PCDHB16: variants seen among roughly 807,000 people sequenced by gnomAD.
PCDHB16 encodes the protein protocadherin beta-16.
For missense variants in PCDHB16, 1,026 were observed against 989.9 expected (o/e 1.04, Z -0.49); for synonymous variants, 444 against 436.5 (o/e 1.02, Z -0.21).
At position 141,184,795 on chromosome 5, in the gene PCDHB16, T is replaced by C; in HGVS notation, c.2236T>C (p.Ser746Pro). Residue 746 changes from serine to proline, a missense_variant, in exon 1 of 1, where the codon TCC becomes CCC. By Grantham distance (74) the Ser-to-Pro change is moderately conservative. Transcript: ENST00000609684. ...LVDVSGTGTLSQSYQYEVCLT... is the reference protein window; with the variant it reads ...LVDVSGTGTLPQSYQYEVCLT... ...GGACGTAAGCGGCACCGGGACCCTG[T>C]CCCAGAGCTACCAATACGAGGTGTG... 1 of 1,614,190 alleles carries C rather than the reference T, an allele frequency of 6.2e-7. No individual in the cohort carries two copies. The highest frequency in any genetic ancestry group is 8.5e-7 in the Non-Finnish European group (1 of 1,180,034).
Position 141,185,247 on chromosome 5 carries a change from C to T in PCDHB16, c.*357C>T. On this transcript the variant is annotated 3_prime_UTR_variant, in exon 1 of 1. Transcript: ENST00000609684. ...ATTTTTCATGTTACTTCTCAGTTTC[C>T]TAGAACTTCAAGTATTAAAATAACC... 2.0e-6 allele frequency: 2 copies of T among 998,896 alleles called. No homozygotes were observed. The highest frequency in any genetic ancestry group is 1.7e-5 in the African/African-American group (1 of 57,144). 61.9% of individuals were successfully genotyped at this position (998,896 alleles called of 1,614,324 possible).
chr5:141,185,740 G>A lies in PCDHB16; in HGVS notation c.*850G>A, dbSNP rs528154640. 4.0e-5 allele frequency: 40 copies of A among 997,022 alleles called. No individual in the cohort carries two copies. The highest frequency in any genetic ancestry group is 1.6e-4 in the African/African-American group (9 of 57,238). The allele number at this position is 997,022 out of a possible 1,614,324, so 61.8% of individuals were successfully genotyped here. The stretch of plus-strand genomic sequence containing the variant: ...ATTTATTTTTTTGAGATGGAGTCTC[G>A]TAAAGTTACCTTTAAAAAAAAAGTT... On this transcript the variant is annotated 3_prime_UTR_variant, in exon 1 of 1. Transcript: ENST00000609684.
chr5:141,186,194 C>A lies in PCDHB16; in HGVS notation c.*1304C>A. On this transcript the variant is annotated 3_prime_UTR_variant, in exon 1 of 1. Coordinates refer to ENST00000609684, the MANE Select transcript of PCDHB16 (RefSeq NM_020957.4). ...TTGAGCTTCTTTCTAGATATTAGGC[C>A]TTTGAATAAAATTCTATGTGAGTCA... is the stretch of plus-strand genomic sequence containing the variant. 4.0e-6 allele frequency: 4 copies of A among 991,148 alleles called. No homozygotes were observed. The highest frequency in any genetic ancestry group is 5.2e-4 in the Middle Eastern group (1 of 1,906). The allele number at this position is 991,148 out of a possible 1,614,324, so 61.4% of individuals were successfully genotyped here. A position where few individuals can be genotyped will look rare whatever the true frequency, so the allele number is the denominator to read the frequency against.
chr5:141,185,704 A>G lies in PCDHB16; in HGVS notation c.*814A>G, dbSNP rs1211459883. 2.0e-6 allele frequency: 2 copies of G among 997,042 alleles called. No individual in the cohort carries two copies. The highest frequency in any genetic ancestry group is 2.4e-6 in the Non-Finnish European group (2 of 827,292). 61.8% of individuals were successfully genotyped at this position (997,042 alleles called of 1,614,324 possible). A position where few individuals can be genotyped will look rare whatever the true frequency, so the allele number is the denominator to read the frequency against. The stretch of plus-strand genomic sequence containing the variant: ...AGGCATAAGCCAATGTGCCCATCCA[A>G]AGTTTTATTTATTTATTTTTTTGAG... On this transcript the variant is annotated 3_prime_UTR_variant, in exon 1 of 1. Coordinates refer to ENST00000609684, the MANE Select transcript of PCDHB16 (RefSeq NM_020957.4).
Position 141,182,513 on chromosome 5 carries a change from CT to C in PCDHB16, c.-46del. ...ACTGCAAAACAGTTCTACTAGGATC[CT>C]GGGGATACATGAAGCTTCTGTGAAC... On this transcript the variant is annotated 5_prime_UTR_variant, in exon 1 of 1. Coordinates refer to ENST00000609684, the MANE Select transcript of PCDHB16 (RefSeq NM_020957.4). The C allele has an allele frequency of 6.7e-7, 1 of 1,483,932 alleles. No individual in the cohort carries two copies. Among genetic ancestry groups the C allele is most frequent in the Non-Finnish European group, 9.0e-7 (1 of 1,108,296 alleles). 91.9% of individuals were successfully genotyped at this position (1,483,932 alleles called of 1,614,324 possible).
In PCDHB16 at chr5:141,183,001, C is replaced by G. The variant is rs1554282067; in HGVS notation, c.442C>G (p.Leu148Val). 1.9e-6 allele frequency: 3 copies of G among 1,614,220 alleles called. No homozygotes were observed. In the Admixed American group the frequency reaches 5.0e-5, roughly 27 times the overall value. The change falls in exon 1 of 1, where the codon CTA (leucine) becomes GTA (valine). Residue 148 changes from leucine to valine, a missense_variant. Transcript: ENST00000609684. ...MILKIPENSP[L>V]GTEFPLNHAL... ...TCTAAAAATACCGGAAAACAGTCCT[C>G]TAGGAACTGAGTTCCCTCTGAATCA...
At position 141,184,397 on chromosome 5, in the gene PCDHB16, G is replaced by A; in HGVS notation, c.1838G>A (p.Gly613Glu). 1 of 1,606,204 alleles carries A rather than the reference G, an allele frequency of 6.2e-7. No homozygotes were observed. Among genetic ancestry groups the A allele is most frequent in the Non-Finnish European group, 8.5e-7 (1 of 1,179,464 alleles). The change falls in exon 1 of 1, where the codon GGG (glycine) becomes GAG (glutamate). Residue 613 changes from glycine to glutamate, a missense_variant. By Grantham distance (98) the Gly-to-Glu change is moderately conservative (BLOSUM62 -2). Transcript: ENST00000609684. ...SYQLLKATEP[G>E]LFGVWAHNGE... ...CAGCTGCTCAAGGCCACGGAGCCCGGGCTGTTCGGTGTGTGGGCGCACAAT... is the reference window on the plus strand; with the variant it reads ...CAGCTGCTCAAGGCCACGGAGCCCGAGCTGTTCGGTGTGTGGGCGCACAAT...
Position 141,183,274 on chromosome 5 carries a change from G to A in PCDHB16, c.715G>A (p.Ala239Thr), listed in dbSNP as rs782369154. 8.1e-5 allele frequency: 130 copies of A among 1,614,006 alleles called. No individual in the cohort carries two copies. Among genetic ancestry groups the A allele is most frequent in the Non-Finnish European group, 1.1e-4 (126 of 1,180,024 alleles). The change falls in exon 1 of 1, where the codon GCT (alanine) becomes ACT (threonine). Residue 239 changes from alanine (A) to threonine (T), a missense_variant. Coordinates refer to ENST00000609684, the MANE Select transcript of PCDHB16 (RefSeq NM_020957.4). ...TGAAGTGGTGGACATCAATGATAAC[G>A]CTCCTGAGTTTGAGCAGCCCATCTA... The part of the protein sequence containing the change: ...RIEVVDINDN[A>T]PEFEQPIYKV...
rs1753614159 is a variant in PCDHB16, at chr5:141,183,298, T to C, written c.739T>C (p.Tyr247His). 6.2e-7 allele frequency: 1 copy of C among 1,614,180 alleles called. No individual in the cohort carries two copies. Among genetic ancestry groups the C allele is most frequent in the African/African-American group, 1.3e-5 (1 of 75,058 alleles). ...CGCTCCTGAGTTTGAGCAGCCCATC[T>C]ACAAAGTGCAGATTCCAGAGAACAG... ...DNAPEFEQPI[Y>H]KVQIPENSPL... Residue 247 changes from tyrosine (Y) to histidine (H), a missense_variant, in exon 1 of 1, where the codon TAC (tyrosine) becomes CAC (histidine). Physicochemically the swap from Tyr to His is moderately conservative, Grantham distance 83. Transcript: ENST00000609684.
chr5:141,182,772 C>G lies in PCDHB16; in HGVS notation c.213C>G (p.Asn71Lys), dbSNP rs781934293. Residue 71 changes from asparagine to lysine, a missense_variant, in exon 1 of 1, where the codon AAC becomes AAG. Physicochemically the swap from Asn to Lys is moderately conservative, Grantham distance 94 (BLOSUM62 0). Transcript: ENST00000609684. ...AGGCCAGGATCATTTCCCAGGGGAA[C>G]AAACAGCATTTGCAGCTCAAGGCTC... ...TRKARIISQGNKQHLQLKAQT... is the reference protein window; with the variant it reads ...TRKARIISQGKKQHLQLKAQT... 5.0e-6 allele frequency: 8 copies of G among 1,613,922 alleles called. No homozygotes were observed. In the East Asian group the frequency reaches 1.8e-4, roughly 36 times the overall value.
chr5:141,182,869 C>A lies in PCDHB16; in HGVS notation c.310C>A (p.Leu104Ile). 1 of 1,614,142 alleles carries A rather than the reference C, an allele frequency of 6.2e-7. No individual in the cohort carries two copies. Among genetic ancestry groups the A allele is most frequent in the Non-Finnish European group, 8.5e-7 (1 of 1,180,034 alleles). Reference sequence around the variant, plus strand: ...ATGCGGTCCCACTGAGCCTTGCATACTACATTTCCAAGTGTTAATGGAAAA... The same window carrying A: ...ATGCGGTCCCACTGAGCCTTGCATAATACATTTCCAAGTGTTAATGGAAAA... ...ELCGPTEPCI[L>I]HFQVLMENPL... is the part of the protein sequence containing the mutation. The change falls in exon 1 of 1, where the codon CTA becomes ATA. Residue 104 changes from leucine (L) to isoleucine (I), a missense_variant. Physicochemically the swap from Leu to Ile is conservative, Grantham distance 5. Transcript: ENST00000609684.
chr5:141,183,381 TG>T lies in PCDHB16; in HGVS notation c.824del (p.Gly275GlufsTer20). 6.2e-7 allele frequency: 1 copy of T among 1,614,028 alleles called. No individual in the cohort carries two copies. The highest frequency in any genetic ancestry group is 8.5e-7 in the Non-Finnish European group (1 of 1,180,000). ...CCAGGGATTTAGACGGCGGAGCCAA[TG>T]GAAAAATATCATACACACTCTTTCA... ...SARDLDGGAN[G>X]KISYTLFQPS... On this transcript the variant is annotated frameshift_variant, in exon 1 of 1. Transcript: ENST00000609684. LOFTEE classifies it low-confidence loss of function (END_TRUNC).
At position 141,186,169 on chromosome 5, in the gene PCDHB16, T is replaced by C. The variant is rs1382392269; in HGVS notation, c.*1279T>C. 1.0e-6 allele frequency: 1 copy of C among 994,238 alleles called. No individual in the cohort carries two copies. Among genetic ancestry groups the C allele is most frequent in the Non-Finnish European group, 1.2e-6 (1 of 824,798 alleles). The allele number at this position is 994,238 out of a possible 1,614,324, so 61.6% of individuals were successfully genotyped here. On this transcript the variant is annotated 3_prime_UTR_variant, in exon 1 of 1. Transcript: ENST00000609684. ...TATTTCTTGCTTATTATATGTAAAG[T>C]TGAGCTTCTTTCTAGATATTAGGCC...
At position 141,185,251 on chromosome 5, in the gene PCDHB16, A is replaced by G; in HGVS notation, c.*361A>G. 1 of 989,002 alleles carries G rather than the reference A, an allele frequency of 1.0e-6. No homozygotes were observed. Among genetic ancestry groups the G allele is most frequent in the Non-Finnish European group, 1.2e-6 (1 of 809,440 alleles). 61.3% of individuals were successfully genotyped at this position (989,002 alleles called of 1,614,324 possible). Reference sequence around the variant, plus strand: ...TTCATGTTACTTCTCAGTTTCCTAGAACTTCAAGTATTAAAATAACCTGTT... The same window carrying G: ...TTCATGTTACTTCTCAGTTTCCTAGGACTTCAAGTATTAAAATAACCTGTT... On this transcript the variant is annotated 3_prime_UTR_variant, in exon 1 of 1. Transcript: ENST00000609684.
chr5:141,183,072 A>T lies in PCDHB16; in HGVS notation c.513A>T (p.Lys171Asn), dbSNP rs1554282077. The T allele has an allele frequency of 1.9e-6, 3 of 1,614,066 alleles. No individual in the cohort carries two copies. In the Admixed American group the frequency reaches 5.0e-5, roughly 27 times the overall value. Residue 171 changes from lysine to asparagine, a missense_variant, in exon 1 of 1, where the codon AAA becomes AAT. Physicochemically the swap from Lys to Asn is moderately conservative, Grantham distance 94 (BLOSUM62 0). Transcript: ENST00000609684. The stretch of plus-strand genomic sequence containing the variant: ...GAAGCAATAATGTTCAAAACTATAA[A>T]ATCAGCCCAAGCTCTCATTTCCGGG... ...DVGSNNVQNY[K>N]ISPSSHFRVL... is the part of the protein sequence containing the mutation.
Position 141,183,214 on chromosome 5 carries a change from T to C in PCDHB16, c.655T>C (p.Ser219Pro). The C allele has an allele frequency of 6.2e-7, 1 of 1,614,092 alleles. No individual in the cohort carries two copies. Among genetic ancestry groups the C allele is most frequent in the Non-Finnish European group, 8.5e-7 (1 of 1,180,020 alleles). ...AACCCTGACAGCGCTGGATGGTGGC[T>C]CTCCACCGCGATCTGGAACTGCTCA... ...RLTLTALDGG[S>P]PPRSGTAQVR... Residue 219 changes from serine (S) to proline (P), a missense_variant, in exon 1 of 1, where the codon TCT becomes CCT. Coordinates refer to ENST00000609684, the MANE Select transcript of PCDHB16 (RefSeq NM_020957.4).
chr5:141,184,956 G>A lies in PCDHB16; in HGVS notation c.*66G>A. 2.6e-6 allele frequency: 4 copies of A among 1,556,100 alleles called. No individual in the cohort carries two copies. The highest frequency in any genetic ancestry group is 2.8e-5 in the African/African-American group (2 of 72,726). On this transcript the variant is annotated 3_prime_UTR_variant, in exon 1 of 1. Transcript: ENST00000609684. ...ATAGCTTTGGATTTAATTATTGATA[G>A]GAACCCATTTGATAAATTCCTTAAC...
chr5:141,185,613 G>A lies in PCDHB16; in HGVS notation c.*723G>A. The A allele has an allele frequency of 1.7e-6, 1 of 573,342 alleles. No homozygotes were observed. Among genetic ancestry groups the A allele is most frequent in the African/African-American group, 2.0e-5 (1 of 49,050 alleles). The allele number at this position is 573,342 out of a possible 1,614,324, so 35.5% of individuals were successfully genotyped here. A position where few individuals can be genotyped will look rare whatever the true frequency, so the allele number is the denominator to read the frequency against. On this transcript the variant is annotated 3_prime_UTR_variant, in exon 1 of 1. Transcript: ENST00000609684. ...CGATGGGATTTTGCCAAGTTGCCCA[G>A]GCTGATCTTGAACTCCTGGGCTCAA...
chr5:141,185,182 G>C lies in PCDHB16; in HGVS notation c.*292G>C, dbSNP rs1360203593. On this transcript the variant is annotated 3_prime_UTR_variant, in exon 1 of 1. Transcript: ENST00000609684. ...AGTTGATGTCATTTAAAATTTTTCC[G>C]TCTTTATATTTTATTTACTTCCTAT... The C allele has an allele frequency of 1.7e-5, 19 of 1,121,886 alleles. No homozygotes were observed. Among genetic ancestry groups the C allele is most frequent in the South Asian group, 3.6e-5 (1 of 28,142 alleles). The allele number at this position is 1,121,886 out of a possible 1,614,324, so 69.5% of individuals were successfully genotyped here. A position where few individuals can be genotyped will look rare whatever the true frequency, so the allele number is the denominator to read the frequency against.
Sources: allele counts gnomAD v4.1 joint callset, GRCh38; gene constraint gnomAD v4.1.1; transcripts MANE v1.5; gene names NCBI Gene and HGNC (gene_info 2026-07-23, HGNC 2026-07-21).